The following C5orf47 variants were observed in gnomAD, a reference collection of about 807,000 sequenced individuals.
The protein encoded by C5orf47 is chromosome 5 open reading frame 47.
In C5orf47, 20 loss-of-function variants were observed where a neutral mutation model predicts 20.6. The observed-to-expected ratio is 0.97, with a 90% CI of 0.68 to 1.41. The LOEUF (loss-of-function observed/expected upper bound fraction) is 1.41. Ranked by LOEUF, C5orf47 falls within the 40% of genes most tolerant of loss-of-function variation. C5orf47 has a pLI of 0.00. For synonymous variants in C5orf47, 106 were observed against 97.3 expected (o/e 1.09, Z -0.53); for missense variants, 262 against 238.4 (o/e 1.10, Z -0.65).
At chr5:174,002,078 C>T (rs1223286332) in intron 4 of C5orf47, among the ~76,000 whole-genome samples, 1 of 151,708 alleles carries the variant, frequency 6.6e-6, no homozygotes, top group Non-Finnish European at 1.5e-5. Flanking sequence ...TTCAGCATTC[C>T]CTCCCAAGTA....
At chr5:173,996,693 A>C (rs1759105345) in intron 1 of C5orf47, among the ~76,000 whole-genome samples, 1 of 152,228 alleles carries the variant, frequency 6.6e-6, no homozygotes, top group African/African-American at 2.4e-5. Flanking sequence ...TTAAATTATT[A>C]CTTCAGTGGA....
chr5:173,990,391 G>A lies in C5orf47; in HGVS notation c.325+803G>A, dbSNP rs570079961. Among the ~76,000 whole-genome samples, 156 of 152,142 alleles carry A rather than the reference G, an allele frequency of 1.0e-3. 1 individual carries two copies. The highest frequency in any genetic ancestry group is 3.6e-3 in the African/African-American group (151 of 41,524). On this transcript the variant is annotated intron_variant, in intron 1 of 4. Coordinates refer to ENST00000340147, the MANE Select transcript of C5orf47 (RefSeq NM_001144954.2). ...TCCTGCCTCAGCCTCACAGCCCTGG[G>A]ATTACATGCATGAGCCACTGGGCCA...
intron 1 of C5orf47, among the ~76,000 whole-genome samples, chr5:173,997,131 C>T (rs1383067225): frequency 1.3e-5 from 2 of 152,158 alleles, no homozygotes; most frequent in Non-Finnish European, 2.9e-5. Context: ...ACACACTCCT[C>T]AAGTAAACAG....
downstream of C5orf47, among the ~76,000 whole-genome samples, chr5:174,008,024 A>G (rs1256449038): frequency 6.6e-6 from 1 of 152,204 alleles, no homozygotes; most frequent in Non-Finnish European, 1.5e-5. Context: ...GTGTGCTCCC[A>G]AGGGTGGAAG....
intron 4 of C5orf47, 28 bp from the exon 5 acceptor site, chr5:174,004,243 A>G (rs1759247707): frequency 6.6e-6 from 1 of 152,330 alleles, no homozygotes; most frequent in Non-Finnish European, 1.5e-5. Context: ...TATTAACAAG[A>G]ACTCAATTTT....
chr5:174,003,559 G>A (rs950782631), intron 4 of C5orf47, among the ~76,000 whole-genome samples: 3 of 152,188 alleles, frequency 2.0e-5, no homozygotes, highest in African/African-American at 7.2e-5. Context: ...TGTACAGGAG[G>A]TAGTGTGATA....
chr5:173,998,176 A>G lies in C5orf47; in HGVS notation c.349A>G (p.Lys117Glu), dbSNP rs1759132456. The G allele has an allele frequency of 2.6e-6, 4 of 1,541,900 alleles. No homozygotes were observed. The highest frequency in any genetic ancestry group is 3.5e-6 in the Non-Finnish European group (4 of 1,141,142). ...RAGLIQKDAA[K>E]KYDFPIPLNE... Reference sequence around the variant, plus strand: ...AGGTTTAATCCAGAAGGATGCAGCTAAAAAGTATGATTTTCCCATACCATT... The same window carrying G: ...AGGTTTAATCCAGAAGGATGCAGCTGAAAAGTATGATTTTCCCATACCATT... The change falls in exon 2 of 5, where the codon AAA becomes GAA. Residue 117 changes from lysine (K) to glutamate (E), a missense_variant. By Grantham distance (56) the Lys-to-Glu change is moderately conservative. Coordinates refer to ENST00000340147, the MANE Select transcript of C5orf47 (RefSeq NM_001144954.2).
chr5:174,007,255 A>G (rs970182774), downstream of C5orf47, among the ~76,000 whole-genome samples: 6 of 152,174 alleles, frequency 3.9e-5, no homozygotes, highest in Non-Finnish European at 5.9e-5. Flanking sequence ...AGATAATAAT[A>G]ATAACAATAG....
intron 1 of C5orf47, among the ~76,000 whole-genome samples, chr5:173,997,067 A>G (rs1759111658): frequency 1.3e-5 from 2 of 152,232 alleles, no homozygotes; most frequent in South Asian, 4.1e-4. Flanking sequence ...TGGAATACTT[A>G]TTGTATAGCT....
chr5:173,992,282 T>G (rs776885321), intron 1 of C5orf47, among the ~76,000 whole-genome samples: 4 of 149,952 alleles, frequency 2.7e-5, no homozygotes, highest in African/African-American at 4.9e-5. Flanking sequence ...ATACAGTGCC[T>G]CACACCTCTA....
chr5:174,001,406 T>C (rs1039726668), intron 4 of C5orf47, among the ~76,000 whole-genome samples, 175 bp downstream of exon 4: 13 of 152,120 alleles, frequency 8.5e-5, no homozygotes, highest in Non-Finnish European at 1.5e-4. Flanking sequence ...TTACTGACCT[T>C]TAAAACTTCA....
intron 1 of C5orf47, among the ~76,000 whole-genome samples, chr5:173,991,866 A>G (rs1377978328): frequency 6.6e-6 from 1 of 152,216 alleles, no homozygotes; most frequent in African/African-American, 2.4e-5. Flanking sequence ...TGGATAATTT[A>G]TAGAATGTTG....
At position 174,004,500 on chromosome 5, in the gene C5orf47, A is replaced by T. The variant is rs967100166; in HGVS notation, c.*246A>T. 3.0e-4 allele frequency: 45 copies of T among 152,258 alleles called. No individual in the cohort carries two copies. The highest frequency in any genetic ancestry group is 1.1e-3 in the African/African-American group (44 of 41,462). The allele number at this position is 152,258 out of a possible 1,614,324, so 9.4% of individuals were successfully genotyped here. On this transcript the variant is annotated 3_prime_UTR_variant, in exon 5 of 5. Coordinates refer to ENST00000340147, the MANE Select transcript of C5orf47 (RefSeq NM_001144954.2). ...TATGCATGCAAGTGTTATTTTCAGA[A>T]TTAATGCTTATTCTACATACTTTTA...
chr5:174,007,897 C>A (rs1422776553), downstream of C5orf47, among the ~76,000 whole-genome samples: 1 of 152,106 alleles, frequency 6.6e-6, no homozygotes, highest in Admixed American at 6.6e-5. Context: ...CCAAAGAGAT[C>A]TGTATTGCTT....
At chr5:174,008,109 A>G (rs1242770216), downstream of C5orf47, among the ~76,000 whole-genome samples, 1 of 152,184 alleles carries the variant, frequency 6.6e-6, no homozygotes, top group Non-Finnish European at 1.5e-5. Context: ...AGAAAGCTTG[A>G]GTGATATTTT....
At chr5:174,009,400 C>CT (rs1318009138), downstream of C5orf47, among the ~76,000 whole-genome samples, 2 of 152,134 alleles carry the variant, frequency 1.3e-5, no homozygotes, top group South Asian at 2.1e-4. Flanking sequence ...TTTTACTCCT[C>CT]TTTTTTATAT....
chr5:173,989,644 G>T, intron 1 of C5orf47, 56 bp downstream of exon 1: 1 of 1,309,730 alleles, frequency 7.6e-7, no homozygotes, highest in Non-Finnish European at 9.8e-7. Flanking sequence ...GGGGCGGAGC[G>T]GGCTCAGCTG....
chr5:174,001,232 G>T lies in C5orf47; in HGVS notation c.*16+1G>T. 1 of 1,426,890 alleles carries T rather than the reference G, an allele frequency of 7.0e-7. No homozygotes were observed. Among genetic ancestry groups the T allele is most frequent in the Non-Finnish European group, 9.6e-7 (1 of 1,040,402 alleles). The allele number at this position is 1,426,890 out of a possible 1,614,324, so 88.4% of individuals were successfully genotyped here. A position where few individuals can be genotyped will look rare whatever the true frequency, so the allele number is the denominator to read the frequency against. On this transcript the variant is annotated splice_donor_variant, in intron 4 of 4. Transcript: ENST00000340147. LOFTEE classifies it low-confidence loss of function (3UTR_SPLICE). Reference sequence around the variant, plus strand: ...ACAAGATGAATCTTCTTATCTTCTGGTAAGAATTTATTTACGTAATAATTA... The same window carrying T: ...ACAAGATGAATCTTCTTATCTTCTGTTAAGAATTTATTTACGTAATAATTA...
Position 173,989,573 on chromosome 5 carries a change from C to CGTCT in C5orf47, c.310_311insGTCT (p.Gln104ArgfsTer15). 2.7e-6 allele frequency: 4 copies of CGTCT among 1,468,968 alleles called. No homozygotes were observed. The South Asian group carries it at 5.4e-5, about 20-fold the overall frequency. The allele number at this position is 1,468,968 out of a possible 1,614,324, so 91.0% of individuals were successfully genotyped here. A position where few individuals can be genotyped will look rare whatever the true frequency, so the allele number is the denominator to read the frequency against. ...ATCGAGAGTTCAGAGCGGCACCAGA[C>CGTCT]AGTCGGCGCGTGCAGGTGGTGCAGC... On this transcript the variant is annotated frameshift_variant, in exon 1 of 5. Transcript: ENST00000340147. LOFTEE classifies it high-confidence loss of function.
Sources: gnomAD v4.1 joint callset for allele counts (sites outside exome capture counted in the v4.1 genomes callset) on GRCh38, gnomAD v4.1.1 for gene constraint, MANE v1.5 for transcripts, NCBI Gene and HGNC (gene_info 2026-07-23, HGNC 2026-07-21) for gene names.